KCNK13: variants seen among roughly 807,000 people sequenced by gnomAD.
KCNK13 encodes potassium two pore domain channel subfamily K member 13.
KCNK13 carries 12 observed loss-of-function variants against 23.4 expected under a neutral mutation model. The observed-to-expected ratio is 0.51, with a 90% CI of 0.33 to 0.83. KCNK13 has a LOEUF of 0.83. Among genes scored for constraint, KCNK13 ranks in the 40% least tolerant of loss-of-function variants. The pLI, the probability that KCNK13 is intolerant of heterozygous loss-of-function variation, is 0.02. For missense variants in KCNK13, 463 were observed against 556.3 expected, an observed-to-expected ratio of 0.83 and a Z score of 1.69; for synonymous variants, 231 against 229.5, an observed-to-expected ratio of 1.01 and a Z score of -0.06.
At chr14:90,067,522 T>C (rs1328294050) in intron 1 of KCNK13, among the ~76,000 whole-genome samples, 2 of 152,186 alleles carry the variant, frequency 1.3e-5, no homozygotes, top group Admixed American at 1.3e-4. Context: ...ACATTTTGGG[T>C]ATAGATAGTG....
chr14:90,097,023 G>T (rs1407660630), intron 1 of KCNK13, among the ~76,000 whole-genome samples: 1 of 152,078 alleles, frequency 6.6e-6, no homozygotes, highest in Non-Finnish European at 1.5e-5. Flanking sequence ...GCACAAACAT[G>T]GCTGCCACAC....
Position 90,090,041 on chromosome 14 carries a change from C to G in KCNK13, c.334+27502C>G, listed in dbSNP as rs1423476404. The stretch of plus-strand genomic sequence containing the variant: ...AGTGTGGAAGTGTGGGGTTGTAGCC[C>G]CAACAAAGAGTCCCTACTGGGGGCC... On this transcript the variant is annotated intron_variant, in intron 1 of 1. Coordinates refer to ENST00000282146, the MANE Select transcript of KCNK13 (RefSeq NM_022054.4). 2.6e-5 allele frequency among the ~76,000 whole-genome samples: 4 copies of G among 152,190 alleles called. No homozygotes were observed. The East Asian group carries it at 7.7e-4, about 29-fold the overall frequency.
intron 1 of KCNK13, among the ~76,000 whole-genome samples, chr14:90,096,046 A>G (rs865864555): frequency 3.3e-5 from 5 of 152,204 alleles, no homozygotes; most frequent in African/African-American, 1.2e-4. Context: ...CACCTATAGG[A>G]AGAGGTGTGG....
chr14:90,114,925 G>A (rs981511714), intron 1 of KCNK13, among the ~76,000 whole-genome samples: 1 of 152,212 alleles, frequency 6.6e-6, no homozygotes, highest in Non-Finnish European at 1.5e-5. Flanking sequence ...TCTGCATGCA[G>A]GTGCAGGTTC....
At chr14:90,159,884 A>G (rs1890233515) in intron 1 of KCNK13, among the ~76,000 whole-genome samples, 1 of 152,000 alleles carries the variant, frequency 6.6e-6, no homozygotes, top group African/African-American at 2.4e-5. Context: ...GACAGGGCTG[A>G]GATCTGAACC....
chr14:90,144,497 T>C (rs796494700), intron 1 of KCNK13, among the ~76,000 whole-genome samples: 2 of 115,988 alleles, frequency 1.7e-5, no homozygotes, highest in African/African-American at 7.5e-5. Flanking sequence ...TACTTTCTCT[T>C]TTTTTTTTTT....
chr14:90,155,714 C>T (rs981665428), intron 1 of KCNK13, among the ~76,000 whole-genome samples: 1 of 152,020 alleles, frequency 6.6e-6, no homozygotes, highest in Non-Finnish European at 1.5e-5. Context: ...TAGTCCTCAA[C>T]AACTGGAAGG....
chr14:90,069,674 A>G (rs1282120756), intron 1 of KCNK13, among the ~76,000 whole-genome samples: 1 of 139,642 alleles, frequency 7.2e-6, no homozygotes, highest in Non-Finnish European at 1.6e-5. Context: ...GGCATTCAGA[A>G]AGAATAAAAA....
At chr14:90,183,901 C>T (rs1291790063) in intron 1 of KCNK13, among the ~76,000 whole-genome samples, 2 of 152,276 alleles carry the variant, frequency 1.3e-5, no homozygotes, top group Admixed American at 6.5e-5. Context: ...TGCACAATAG[C>T]ACCACACAGG....
chr14:90,114,342 T>G (rs1382071577), intron 1 of KCNK13, among the ~76,000 whole-genome samples: 5 of 152,148 alleles, frequency 3.3e-5, no homozygotes, highest in Non-Finnish European at 5.9e-5. Context: ...CGCTCAAACT[T>G]GGCTGCACAT....
In KCNK13 at chr14:90,084,808, T is replaced by G. The variant is rs370058867; in HGVS notation, c.334+22269T>G. On this transcript the variant is annotated intron_variant, in intron 1 of 1. Coordinates refer to ENST00000282146, the MANE Select transcript of KCNK13 (RefSeq NM_022054.4). ...AAGATCCCTTCTATTTCTAGTGTGT[T>G]GAATGTTTTTATCACAAAGAGCTGT... is the stretch of plus-strand genomic sequence containing the variant. Among the ~76,000 whole-genome samples the G allele has an allele frequency of 1.2e-3, 186 of 152,364 alleles. 3 individuals are homozygous for G. The highest frequency in any genetic ancestry group is 4.4e-3 in the African/African-American group (184 of 41,598).
At chr14:90,097,213 G>C (rs1889421964) in intron 1 of KCNK13, among the ~76,000 whole-genome samples, 1 of 152,106 alleles carries the variant, frequency 6.6e-6, no homozygotes, top group Non-Finnish European at 1.5e-5. Context: ...AATTTATAAA[G>C]AAAAGAGGTT....
chr14:90,136,985 C>T (rs1461782191), intron 1 of KCNK13, among the ~76,000 whole-genome samples: 1 of 152,184 alleles, frequency 6.6e-6, no homozygotes, highest in Non-Finnish European at 1.5e-5. Flanking sequence ...GCAAGGGTCA[C>T]TCAATCGCAA....
At chr14:90,117,755 C>A (rs184088916) in intron 1 of KCNK13, among the ~76,000 whole-genome samples, 1 of 152,156 alleles carries the variant, frequency 6.6e-6, no homozygotes, top group Non-Finnish European at 1.5e-5. Context: ...GTTGTGCACC[C>A]ATTACCTCTA....
At chr14:90,166,287 C>T (rs377526615) in intron 1 of KCNK13, among the ~76,000 whole-genome samples, 13 of 152,198 alleles carry the variant, frequency 8.5e-5, no homozygotes, top group East Asian at 1.9e-4. Flanking sequence ...TAGCGGTAAC[C>T]GCTGCAAAAT....
At chr14:90,162,744 A>G (rs1016393559) in intron 1 of KCNK13, among the ~76,000 whole-genome samples, 3 of 152,264 alleles carry the variant, frequency 2.0e-5, no homozygotes, top group Admixed American at 6.5e-5. Flanking sequence ...CTGTGACCCC[A>G]AAAGCCAAGA....
intron 1 of KCNK13, among the ~76,000 whole-genome samples, chr14:90,137,645 T>A (rs1254713145): frequency 6.6e-6 from 1 of 152,122 alleles, no homozygotes; most frequent in Non-Finnish European, 1.5e-5. Flanking sequence ...AAATGACACG[T>A]TGAGAACAAA....
At chr14:90,111,481 C>T (rs899128080) in intron 1 of KCNK13, among the ~76,000 whole-genome samples, 1 of 152,076 alleles carries the variant, frequency 6.6e-6, no homozygotes, top group African/African-American at 2.4e-5. Flanking sequence ...TTACTCAAGC[C>T]CAATTATTTC....
chr14:90,083,332 A>G (rs1284959159), intron 1 of KCNK13, among the ~76,000 whole-genome samples: 2 of 152,218 alleles, frequency 1.3e-5, no homozygotes, highest in Non-Finnish European at 2.9e-5. Context: ...GTCATATTGT[A>G]AGAAACCATT....
Sources: allele counts gnomAD v4.1 joint callset (sites outside exome capture counted in the v4.1 genomes callset), GRCh38; gene constraint gnomAD v4.1.1; transcripts MANE v1.5; gene names NCBI Gene and HGNC (gene_info 2026-07-23, HGNC 2026-07-21).